TFR2: variants seen among roughly 807,000 people sequenced by gnomAD.
TFR2 encodes the protein transferrin receptor protein 2.
TFR2 carries 64 observed loss-of-function variants against 91.9 expected under a neutral mutation model. The ratio of observed to expected loss-of-function variants is 0.70; its 90% CI spans 0.57 to 0.86. The LOEUF is 0.86. TFR2 is among the 40% of genes least tolerant of loss of function. The pLI, the probability that TFR2 is intolerant of heterozygous loss-of-function variation, is 0.00. For missense variants in TFR2, 950 were observed against 1,080.5 expected, an observed-to-expected ratio of 0.88 and a Z score of 1.69; for synonymous variants, 454 against 459.6, an observed-to-expected ratio of 0.99 and a Z score of 0.15.
chr7:100,639,908 C>T (rs1803659512), intron 3 of TFR2: 1 of 151,496 alleles, frequency 6.6e-6, no homozygotes, highest in African/African-American at 2.4e-5. Flanking sequence ...CCTCAGCCTC[C>T]CGAATAGCTG....
rs1304360935 is a variant in TFR2 at position 100,620,676 on chromosome 7, G to A, written c.*181C>T. 1.2e-5 allele frequency: 9 copies of A among 760,014 alleles called. No individual in the cohort carries two copies. The highest frequency in any genetic ancestry group is 1.9e-5 in the Non-Finnish European group (9 of 466,734). The allele number at this position is 760,014 out of a possible 1,614,324, so 47.1% of individuals were successfully genotyped here. On this transcript the variant is annotated 3_prime_UTR_variant, in exon 18 of 18. Transcript: ENST00000223051. ...CACATTAGGGTCAGCTACACTGCAGGGCTGGGGTGTGTGGATATCTGTGCT... is the reference window on the plus strand; with the variant it reads ...CACATTAGGGTCAGCTACACTGCAGAGCTGGGGTGTGTGGATATCTGTGCT...
chr7:100,640,331 C>T, intron 3 of TFR2: 1 of 258,470 alleles, frequency 3.9e-6, no homozygotes, highest in East Asian at 8.2e-5. Context: ...TAGAATGCGG[C>T]TTCTCAGAAC....
Position 100,640,974 on chromosome 7 carries a change from A to G in TFR2, c.286+2T>C, listed in dbSNP as rs1562845204. On this transcript the variant is annotated splice_donor_variant, in intron 2 of 17. Coordinates refer to ENST00000223051, the MANE Select transcript of TFR2 (RefSeq NM_003227.4). LOFTEE classifies it high-confidence loss of function. ...ACTTCTGGGGAGGGGGACGGCTCTC[A>G]CCCCCAGTGAAGATCAGCAGGGCCG... The G allele has an allele frequency of 1.9e-6, 3 of 1,609,696 alleles. No homozygotes were observed. The highest frequency in any genetic ancestry group is 1.7e-5 in the Admixed American group (1 of 59,848).
At chr7:100,639,782 CTTTTCTTTTTTT>C (rs1803654165) in intron 3 of TFR2, 1 of 70,908 alleles carries the variant, frequency 1.4e-5, no homozygotes, top group African/African-American at 7.2e-5. Context: ...TTCTTTTTTT[CTTTTCTTTTTTT>C]TTTTTTTTGA....
In TFR2 at chr7:100,640,508, G is replaced by A. The variant is rs568334944; in HGVS notation, c.473+178C>T. The stretch of plus-strand genomic sequence containing the variant: ...AGAGCCTCAGTCCCCTGGAACCTCA[G>A]CTCCGAATGCCTGCCATCCTTCCCA... On this transcript the variant is annotated intron_variant, in intron 3 of 17. Transcript: ENST00000223051. The A allele has an allele frequency of 1.6e-5, 11 of 692,706 alleles. No individual in the cohort carries two copies. In the Admixed American group the frequency reaches 2.3e-4, roughly 15 times the overall value. 42.9% of individuals were successfully genotyped at this position (692,706 alleles called of 1,614,324 possible).
At position 100,627,320 on chromosome 7, in the gene TFR2, C is replaced by T. The variant is rs759540608; in HGVS notation, c.1939G>A (p.Gly647Arg). The T allele has an allele frequency of 1.7e-5, 27 of 1,550,120 alleles. No individual in the cohort carries two copies. Among genetic ancestry groups the T allele is most frequent in the Middle Eastern group, 1.9e-4 (1 of 5,162 alleles). ...CCGATGTGCCTGAGGACGACGTCCCCGTAGCGGCCGAAGTCGAGGGGCAGC... is the reference window on the plus strand; with the variant it reads ...CCGATGTGCCTGAGGACGACGTCCCTGTAGCGGCCGAAGTCGAGGGGCAGC... ...RLLPLDFGRY[G>R]DVVLRHIGNL... is the part of the protein sequence containing the mutation. Residue 647 changes from glycine to arginine, a missense_variant, in exon 16 of 18, where the codon GGG (glycine) becomes AGG (arginine). Physicochemically the swap from Gly to Arg is moderately radical, Grantham distance 125. Coordinates refer to ENST00000223051, the MANE Select transcript of TFR2 (RefSeq NM_003227.4).
Position 100,629,254 on chromosome 7 carries a change from G to T in TFR2, c.1389C>A (p.Asn463Lys). 6.2e-7 allele frequency: 1 copy of T among 1,613,688 alleles called. No individual in the cohort carries two copies. The highest frequency in any genetic ancestry group is 8.5e-7 in the Non-Finnish European group (1 of 1,179,728). The change falls in exon 10 of 18, where the codon AAC becomes AAA. Residue 463 changes from asparagine to lysine, a missense_variant and splice_region_variant. Transcript: ENST00000223051. The part of the protein sequence containing the change: ...LVRTFSSMVS[N>K]GFRPRRSLLF... ...CCCAGGCCCTGGCCCTGACCTTACC[G>T]TTGCTCACCATGGAGGAAAAGGTCC...
Position 100,640,704 on chromosome 7 carries a change from C to A in TFR2, c.455G>T (p.Arg152Leu), listed in dbSNP as rs578132648. Reference sequence around the variant, plus strand: ...TCCCTACCTGATGGTGTCCTCCAGGCGCCCCTCCCCCAGGAACTGCAGGAA... The same window carrying A: ...TCCCTACCTGATGGTGTCCTCCAGGAGCCCCTCCCCCAGGAACTGCAGGAA... ...AMFLQFLGEG[R>L]LEDTIRQTSL... is the part of the protein sequence containing the mutation. The change falls in exon 3 of 18, where the codon CGC becomes CTC. Residue 152 changes from arginine (R) to leucine (L), a missense_variant. By Grantham distance (102) the Arg-to-Leu change is moderately radical. Coordinates refer to ENST00000223051, the MANE Select transcript of TFR2 (RefSeq NM_003227.4). 8.1e-6 allele frequency: 13 copies of A among 1,613,060 alleles called. No homozygotes were observed. The South Asian group carries it at 1.4e-4, about 18-fold the overall frequency.
At position 100,621,090 on chromosome 7, in the gene TFR2, C is replaced by G; in HGVS notation, c.2173G>C (p.Ala725Pro). ...AAGATGTGGCGGAACGGGGAGTCGG[C>G]TGGCGACACGTACTGGGAAAGGAAG... ...FYFLSQYVSP[A>P]DSPFRHIFMG... The change falls in exon 18 of 18, where the codon GCC becomes CCC. Residue 725 changes from alanine to proline, a missense_variant. Physicochemically the swap from Ala to Pro is conservative, Grantham distance 27. Coordinates refer to ENST00000223051, the MANE Select transcript of TFR2 (RefSeq NM_003227.4). The G allele has an allele frequency of 6.5e-7, 1 of 1,540,710 alleles. No individual in the cohort carries two copies. The highest frequency in any genetic ancestry group is 8.8e-7 in the Non-Finnish European group (1 of 1,138,588).
intron 5 of TFR2, 50 bp downstream of exon 5, chr7:100,633,179 G>C (rs374631740): frequency 1.7e-4 from 281 of 1,612,748 alleles, no homozygotes; most frequent in Non-Finnish European, 2.3e-4. Flanking sequence ...CGAGACCCAG[G>C]AAAGGGCTCG....
At chr7:100,629,139 G>C in intron 10 of TFR2, 114 bp downstream of exon 10, 5 of 1,368,002 alleles carry the variant, frequency 3.7e-6, no homozygotes, top group Non-Finnish European at 5.2e-6. Flanking sequence ...TGGATGCCGA[G>C]GTCCAAGTGA....
chr7:100,633,922 G>A (rs1803522600), intron 3 of TFR2, among the ~76,000 whole-genome samples: 2 of 151,734 alleles, frequency 1.3e-5, no homozygotes. Flanking sequence ...TGACCAGGTT[G>A]GTCTCAAACT....
chr7:100,641,409 G>A lies in TFR2; in HGVS notation c.33+68C>T, dbSNP rs553949494. 4 of 1,600,416 alleles carry A rather than the reference G, an allele frequency of 2.5e-6. No individual in the cohort carries two copies. The South Asian group carries it at 4.5e-5, about 18-fold the overall frequency. On this transcript the variant is annotated intron_variant, in intron 1 of 17. Transcript: ENST00000223051. Reference sequence around the variant, plus strand: ...CGGTCCAGGAGGGGCCAGCCTCAGGGGCTTGGGAGGGGGCTGAGGGACTTA... The same window carrying A: ...CGGTCCAGGAGGGGCCAGCCTCAGGAGCTTGGGAGGGGGCTGAGGGACTTA...
At position 100,631,795 on chromosome 7, in the gene TFR2, A is replaced by G. The variant is rs1384291054; in HGVS notation, c.1106+11T>C. The G allele has an allele frequency of 6.2e-7, 1 of 1,609,472 alleles. No homozygotes were observed. On this transcript the variant is annotated intron_variant, in intron 8 of 17. Coordinates refer to ENST00000223051, the MANE Select transcript of TFR2 (RefSeq NM_003227.4). ...GCTTCCTCCTCTTCTGGTCCCCAAC[A>G]CTCCCCTCACCTCAGCAGGCGGGAG...
In TFR2 at chr7:100,641,150, C is replaced by G. The variant is rs1323928950; in HGVS notation, c.112G>C (p.Glu38Gln). The G allele has an allele frequency of 6.5e-7, 1 of 1,541,888 alleles. No individual in the cohort carries two copies. Residue 38 changes from glutamate (E) to glutamine (Q), a missense_variant, in exon 2 of 18, where the codon GAG becomes CAG. Physicochemically the swap from Glu to Gln is conservative, Grantham distance 29. Coordinates refer to ENST00000223051, the MANE Select transcript of TFR2 (RefSeq NM_003227.4). ...TCCGCCCCCTCCTCCCCGTCTTCCT[C>G]TTCCTCCTCCAGGTGCCCTTTCCGG... ...GPRKGHLEEE[E>Q]EDGEEGAETL...
In TFR2 at chr7:100,633,113, A is replaced by C; in HGVS notation, c.737T>G (p.Val246Gly). 1 of 1,613,374 alleles carries C rather than the reference A, an allele frequency of 6.2e-7. No individual in the cohort carries two copies. Residue 246 changes from valine (V) to glycine (G), a missense_variant, in exon 6 of 18, where the codon GTG becomes GGG. Transcript: ENST00000223051. ...TTCGGGCCGCCCGTAGTGGGCGTAC[A>C]CCAGCTCTCCCTGGGGACACGAGGA... ...SAIGNVTGEL[V>G]YAHYGRPEDL...
chr7:100,629,376 G>A lies in TFR2; in HGVS notation c.1271-4C>T. The A allele has an allele frequency of 6.2e-7, 1 of 1,613,784 alleles. No individual in the cohort carries two copies. The highest frequency in any genetic ancestry group is 8.5e-7 in the Non-Finnish European group (1 of 1,179,798). On this transcript the variant is annotated splice_polypyrimidine_tract_variant and splice_region_variant and intron_variant, in intron 9 of 17. Transcript: ENST00000223051. ...GCCCCGATGACAACGTAGTGATCTG[G>A]GGAGGGGATGTTTGGGACCCACTTC... is the stretch of plus-strand genomic sequence containing the variant.
At chr7:100,633,994 C>G (rs1327600822) in intron 3 of TFR2, among the ~76,000 whole-genome samples, 2 of 151,976 alleles carry the variant, frequency 1.3e-5, no homozygotes, top group Non-Finnish European at 2.9e-5. Flanking sequence ...AGGCGCGAGC[C>G]GCAGTGCAGG....
At chr7:100,636,858 C>T (rs1168511234) in intron 3 of TFR2, among the ~76,000 whole-genome samples, 1 of 152,022 alleles carries the variant, frequency 6.6e-6, no homozygotes, top group Non-Finnish European at 1.5e-5. Flanking sequence ...TCCTTGCTCT[C>T]TCCCCAAAAC....
Sources: gnomAD v4.1 joint callset for allele counts (sites outside exome capture counted in the v4.1 genomes callset) on GRCh38, gnomAD v4.1.1 for gene constraint, MANE v1.5 for transcripts, NCBI Gene and HGNC (gene_info 2026-07-23, HGNC 2026-07-21) for gene names.